MND1: variants seen among roughly 807,000 people sequenced by gnomAD.
MND1 encodes the protein meiotic nuclear division protein 1 homolog.
In MND1, 28 loss-of-function variants were observed where a neutral mutation model predicts 35.1. The ratio of observed to expected loss-of-function variants is 0.80; its 90% confidence interval spans 0.59 to 1.09. MND1 has a LOEUF of 1.09. MND1 is among the 50% of genes least tolerant of loss of function. The pLI, the probability that MND1 is intolerant of heterozygous loss-of-function variation, is 0.00. For synonymous variants in MND1, 69 were observed against 70.5 expected (o/e 0.98, Z 0.11); for missense variants, 213 against 239.6 (o/e 0.89, Z 0.73).
At chr4:153,350,009 T>C (rs1773173198) in intron 1 of MND1, 55 bp from the exon 2 acceptor site, 1 of 1,248,342 alleles carries the variant, frequency 8.0e-7, no homozygotes, top group Admixed American at 2.0e-5. Flanking sequence ...GCAAATCCAG[T>C]TGTTTTCAAA....
At chr4:153,363,128 C>T (rs1773538115) in intron 4 of MND1, 1 of 454,120 alleles carries the variant, frequency 2.2e-6, no homozygotes, top group South Asian at 9.3e-5. Flanking sequence ...CACCTGTTTT[C>T]CTGGTGTGCA....
chr4:153,384,196 A>C (rs1728784509), intron 4 of MND1, among the ~76,000 whole-genome samples: 1 of 151,496 alleles, frequency 6.6e-6, no homozygotes, highest in African/African-American at 2.4e-5. Context: ...CTAGAAGTTA[A>C]AAATGGTTCC....
chr4:153,401,351 G>A (rs1049953203), intron 6 of MND1, among the ~76,000 whole-genome samples: 42 of 152,104 alleles, frequency 2.8e-4, no homozygotes, highest in Non-Finnish European at 4.9e-4. Context: ...ATGTTTTGGT[G>A]GGAGGAGAGG....
chr4:153,357,619 C>T (rs1158962305), intron 3 of MND1, among the ~76,000 whole-genome samples: 2 of 151,950 alleles, frequency 1.3e-5, no homozygotes, highest in Non-Finnish European at 2.9e-5. Context: ...ATAACTGGAC[C>T]CATGCAGTTC....
chr4:153,364,930 G>A (rs1773590849), intron 4 of MND1, among the ~76,000 whole-genome samples: 1 of 152,110 alleles, frequency 6.6e-6, no homozygotes, highest in Non-Finnish European at 1.5e-5. Flanking sequence ...TATGCTAAGT[G>A]AAAAGCCAGT....
At chr4:153,393,934 T>TC (rs1292686004) in intron 4 of MND1, among the ~76,000 whole-genome samples, 2 of 136,290 alleles carry the variant, frequency 1.5e-5, no homozygotes, top group African/African-American at 5.6e-5. Flanking sequence ...CTTTTTTTTT[T>TC]TTTTTTTTTT....
rs529784440 is a variant in MND1 at position 153,362,904 on chromosome 4, T to C, written c.276+4282T>C. The C allele has an allele frequency of 6.4e-6, 4 of 623,044 alleles. No homozygotes were observed. The Admixed American group carries it at 1.9e-4, about 30-fold the overall frequency. The allele number at this position is 623,044 out of a possible 1,614,324, so 38.6% of individuals were successfully genotyped here. A position where few individuals can be genotyped will look rare whatever the true frequency, so the allele number is the denominator to read the frequency against. The stretch of plus-strand genomic sequence containing the variant: ...CTTGGCTTACAGTTCCACCGCCTCA[T>C]GTTTTATACAGGATGAGTACTGCAT... On this transcript the variant is annotated intron_variant, in intron 4 of 7. Transcript: ENST00000240488.
chr4:153,347,890 G>A (rs878952036), intron 1 of MND1, among the ~76,000 whole-genome samples: 2 of 152,176 alleles, frequency 1.3e-5, no homozygotes, highest in Admixed American at 6.5e-5. Context: ...GGGTGTGGTG[G>A]AAGAGGCTAT....
chr4:153,381,665 A>T (rs1561068403), intron 4 of MND1: 1 of 70,194 alleles, frequency 1.4e-5, no homozygotes, highest in Non-Finnish European at 2.6e-5. Context: ...TATATATAAT[A>T]TAATATATAT....
chr4:153,390,915 GTATA>G lies in MND1; in HGVS notation c.277-3345_277-3342del, dbSNP rs1410224394. 2.1e-3 allele frequency among the ~76,000 whole-genome samples: 263 copies of G among 127,860 alleles called. 2 individuals carry two copies. In the Middle Eastern group the frequency reaches 0.027, roughly 13 times the overall value. 83.9% of individuals were successfully genotyped at this position (127,860 alleles called of 152,430 possible). A position where few individuals can be genotyped will look rare whatever the true frequency, so the allele number is the denominator to read the frequency against. On this transcript the variant is annotated intron_variant, in intron 4 of 7. Coordinates refer to ENST00000240488, the MANE Select transcript of MND1 (RefSeq NM_032117.4). Reference sequence around the variant, plus strand: ...TGTGTGTGTGTGTGTGTGTGTGTGTGTATATGTGTGTGTGTGTGTGTGTGTGTAT... The same window carrying G: ...TGTGTGTGTGTGTGTGTGTGTGTGTGTGTGTGTGTGTGTGTGTGTGTGTAT...
At chr4:153,346,366 G>A (rs1176987203) in intron 1 of MND1, among the ~76,000 whole-genome samples, 1 of 152,172 alleles carries the variant, frequency 6.6e-6, no homozygotes, top group Non-Finnish European at 1.5e-5. Flanking sequence ...GATTTTTTAA[G>A]TGGTTTAAAA....
intron 4 of MND1, among the ~76,000 whole-genome samples, chr4:153,366,286 CTT>C (rs1424493440): frequency 1.3e-5 from 2 of 152,224 alleles, no homozygotes; most frequent in South Asian, 4.1e-4. Context: ...TCTGCAAAGT[CTT>C]TGCCACATAA....
chr4:153,349,231 A>G (rs987633663), intron 1 of MND1, among the ~76,000 whole-genome samples: 1 of 151,936 alleles, frequency 6.6e-6, no homozygotes, highest in Non-Finnish European at 1.5e-5. Context: ...TCAGCTACAT[A>G]TTGTCTTAAT....
At chr4:153,404,726 G>C (rs1356837675) in intron 6 of MND1, among the ~76,000 whole-genome samples, 1 of 151,934 alleles carries the variant, frequency 6.6e-6, no homozygotes, top group East Asian at 1.9e-4. Flanking sequence ...TGATCTGCCC[G>C]CCTCGGCCTC....
chr4:153,394,367 A>G (rs1213823130), intron 5 of MND1, 31 bp downstream of exon 5: 4 of 1,557,010 alleles, frequency 2.6e-6, no homozygotes, highest in Non-Finnish European at 3.5e-6. Flanking sequence ...TATTTTAATA[A>G]TGGCAATTCT....
chr4:153,355,719 C>G lies in MND1; in HGVS notation c.127+8C>G, dbSNP rs780145866. ...CCAAAGAGAAAGGCATTAGTAAGTA[C>G]CAAAGTTATACTGGAATGTTTTGGG... On this transcript the variant is annotated splice_region_variant and intron_variant, in intron 3 of 7. Coordinates refer to ENST00000240488, the MANE Select transcript of MND1 (RefSeq NM_032117.4). The G allele has an allele frequency of 2.7e-5, 41 of 1,528,978 alleles. No individual in the cohort carries two copies. The highest frequency in any genetic ancestry group is 3.6e-5 in the Non-Finnish European group (40 of 1,107,124). The allele number at this position is 1,528,978 out of a possible 1,614,324, so 94.7% of individuals were successfully genotyped here. A position where few individuals can be genotyped will look rare whatever the true frequency, so the allele number is the denominator to read the frequency against.
intron 4 of MND1, among the ~76,000 whole-genome samples, chr4:153,369,506 T>G (rs1773739456): frequency 6.6e-6 from 1 of 152,260 alleles, no homozygotes; most frequent in East Asian, 1.9e-4. Context: ...AAAAGTTATA[T>G]TTATACTATA....
chr4:153,368,715 T>A (rs1369631521), intron 4 of MND1, among the ~76,000 whole-genome samples: 1 of 152,232 alleles, frequency 6.6e-6, no homozygotes, highest in East Asian at 1.9e-4. Context: ...CATCATGAGA[T>A]ACTGTACTAG....
intron 4 of MND1, among the ~76,000 whole-genome samples, chr4:153,366,169 G>A (rs1194324891): frequency 6.6e-6 from 1 of 152,144 alleles, no homozygotes; most frequent in East Asian, 1.9e-4. Context: ...TTTCTGCTCT[G>A]CTGTATGTGT....
Sources: gnomAD v4.1 joint callset for allele counts (sites outside exome capture counted in the v4.1 genomes callset) on GRCh38, gnomAD v4.1.1 for gene constraint, MANE v1.5 for transcripts, NCBI Gene and HGNC (gene_info 2026-07-23, HGNC 2026-07-21) for gene names.